Variants in BEAN1 observed in about 807,000 individuals in gnomAD.
BEAN1 encodes the protein protein BEAN1.
A neutral mutation model predicts 17.7 loss-of-function variants in BEAN1; 17 were observed. The observed-to-expected ratio is 0.96, with a 90% CI of 0.66 to 1.44. The LOEUF (loss-of-function observed/expected upper bound fraction) is 1.44. Among genes scored for constraint, BEAN1 ranks in the 40% most tolerant of loss-of-function variants. The probability of loss-of-function intolerance (pLI) is 0.00; values close to 1 mark genes in which losing one functional copy is unlikely to be tolerated. For missense variants in BEAN1, 359 were observed against 374.1 expected (o/e 0.96, Z 0.33); for synonymous variants, 142 against 151.8 (o/e 0.94, Z 0.47).
rs188973547 is a variant in BEAN1, at chr16:66,456,899, G to T, written c.26-12703G>T. Among the ~76,000 whole-genome samples, 80 of 152,286 alleles carry T rather than the reference G, an allele frequency of 5.3e-4. 1 individual carries two copies. Among genetic ancestry groups the T allele is most frequent in the South Asian group, 3.5e-3 (17 of 4,824 alleles). Reference sequence around the variant, plus strand: ...ATGTATCTTAATAGTGGAATGAATTGCTTTCATCTTACATTTATAGAACCA... The same window carrying T: ...ATGTATCTTAATAGTGGAATGAATTTCTTTCATCTTACATTTATAGAACCA... On this transcript the variant is annotated intron_variant, in intron 2 of 4. Transcript: ENST00000536005.
In BEAN1 at chr16:66,493,224, GC is replaced by G; in HGVS notation, c.411del (p.Ser138GlnfsTer6). On this transcript the variant is annotated frameshift_variant, in exon 5 of 5. Coordinates refer to the BEAN1 transcript ENST00000561796. LOFTEE classifies it low-confidence loss of function (END_TRUNC). ...CTCGCTAGGACCCACAGCAGGCACA[GC>G]TCAGAGAAAAGGCTGGTGAAGCCCT... is the stretch of plus-strand genomic sequence containing the variant. 7 of 703,062 alleles carry G rather than the reference GC, an allele frequency of 1.0e-5. No homozygotes were observed. The South Asian group carries it at 1.0e-4, about 10-fold the overall frequency. 43.6% of individuals were successfully genotyped at this position (703,062 alleles called of 1,614,324 possible).
At chr16:66,439,086 T>A (rs1962146583) in intron 2 of BEAN1, among the ~76,000 whole-genome samples, 1 of 152,174 alleles carries the variant, frequency 6.6e-6, no homozygotes, top group Non-Finnish European at 1.5e-5. Flanking sequence ...AAGGGACAGC[T>A]GCAGTGGGAG....
intron 2 of BEAN1, among the ~76,000 whole-genome samples, chr16:66,442,867 TAGAGAG>T (rs989983435): frequency 6.6e-6 from 1 of 151,992 alleles, no homozygotes; most frequent in Non-Finnish European, 1.5e-5. Context: ...GAGGGGGAAA[TAGAGAG>T]AGATAGGGAC....
chr16:66,460,548 G>A (rs778736297), intron 2 of BEAN1, among the ~76,000 whole-genome samples: 1 of 152,164 alleles, frequency 6.6e-6, no homozygotes, highest in Non-Finnish European at 1.5e-5. Flanking sequence ...GCCTGCTGTG[G>A]CCCATCTCTT....
chr16:66,448,844 G>A (rs1962558928), intron 2 of BEAN1, among the ~76,000 whole-genome samples: 2 of 151,832 alleles, frequency 1.3e-5, no homozygotes, highest in Non-Finnish European at 2.9e-5. Flanking sequence ...AAGAAAGAAA[G>A]AAAAGAAACA....
At chr16:66,484,979 T>C, downstream of BEAN1, 1 of 454,124 alleles carries the variant, frequency 2.2e-6, no homozygotes, top group African/African-American at 2.0e-5. This position sits in a 1 kb window ranked among gnomAD's most constrained non-coding sequence, Gnocchi z 4.2. Context: ...GCCATCGTGA[T>C]AGTCCACAAG....
At chr16:66,439,853 G>T (rs547710883) in intron 2 of BEAN1, among the ~76,000 whole-genome samples, 1 of 152,238 alleles carries the variant, frequency 6.6e-6, no homozygotes, top group Non-Finnish European at 1.5e-5. Context: ...AGACAAAGGG[G>T]TCCACCAAGC....
chr16:66,449,606 C>CAAAA (rs35721774), intron 2 of BEAN1, among the ~76,000 whole-genome samples: 1,158 of 81,740 alleles, frequency 0.014, 49 homozygotes, highest in African/African-American at 0.022. Context: ...GACTCCATCT[C>CAAAA]AAAAAAAAAA....
In BEAN1 at chr16:66,480,647, C is replaced by T. The variant is rs938983764; in HGVS notation, c.502C>T (p.Pro168Ser). The stretch of plus-strand genomic sequence containing the variant: ...GTATGTCCCCACGGACGCACCACCA[C>T]CCTACTCGCTGACTGATTCCTGCCC... Reference protein sequence around the residue: ...QLYVPTDAPPPYSLTDSCPTL... With the variant: ...QLYVPTDAPPSYSLTDSCPTL... Residue 168 changes from proline to serine, a missense_variant, in exon 5 of 5, where the codon CCC (proline) becomes TCC (serine). Pro to Ser is a moderately conservative substitution (Grantham distance 74). Transcript: ENST00000536005. 7.1e-6 allele frequency: 11 copies of T among 1,551,472 alleles called. No homozygotes were observed. The highest frequency in any genetic ancestry group is 1.4e-5 in the African/African-American group (1 of 73,064).
At chr16:66,442,131 C>T (rs1299243808) in intron 2 of BEAN1, among the ~76,000 whole-genome samples, 1 of 152,208 alleles carries the variant, frequency 6.6e-6, no homozygotes, top group Non-Finnish European at 1.5e-5. Flanking sequence ...AATACCAAGC[C>T]TGTGAGCCAT....
At chr16:66,460,672 T>C (rs1278281183) in intron 2 of BEAN1, among the ~76,000 whole-genome samples, 1 of 152,220 alleles carries the variant, frequency 6.6e-6, no homozygotes, top group Non-Finnish European at 1.5e-5. Context: ...TGGCTATATA[T>C]CAAGTGGCTC....
At chr16:66,440,482 C>T (rs1423147447) in intron 2 of BEAN1, among the ~76,000 whole-genome samples, 1 of 152,168 alleles carries the variant, frequency 6.6e-6, no homozygotes, top group Admixed American at 6.5e-5. Context: ...GGTTCCCTGA[C>T]TCAGAGTCCT....
chr16:66,432,572 C>T (rs1394751780), intron 1 of BEAN1, among the ~76,000 whole-genome samples: 5 of 152,232 alleles, frequency 3.3e-5, no homozygotes, highest in East Asian at 1.9e-4. Flanking sequence ...TCAGCAGTCA[C>T]GGGGCACTTC....
intron 2 of BEAN1, among the ~76,000 whole-genome samples, chr16:66,440,486 G>C (rs1962214703): frequency 6.6e-6 from 1 of 152,278 alleles, no homozygotes; most frequent in African/African-American, 2.4e-5. Flanking sequence ...CCCTGACTCA[G>C]AGTCCTCCCT....
At chr16:66,457,460 TGAC>T (rs1962915144) in intron 2 of BEAN1, among the ~76,000 whole-genome samples, 1 of 152,144 alleles carries the variant, frequency 6.6e-6, no homozygotes, top group East Asian at 1.9e-4. Context: ...GCATGGACCA[TGAC>T]AAGACATTAG....
chr16:66,447,242 G>A (rs1192879867), intron 2 of BEAN1, among the ~76,000 whole-genome samples: 1 of 152,176 alleles, frequency 6.6e-6, no homozygotes, highest in African/African-American at 2.4e-5. Context: ...GTGTCCCCTA[G>A]GAATGGGCCT....
intron 4 of BEAN1, among the ~76,000 whole-genome samples, chr16:66,492,317 C>T (rs1718025382): frequency 6.6e-6 from 1 of 151,970 alleles, no homozygotes; most frequent in Non-Finnish European, 1.5e-5. Flanking sequence ...GCTGGGTTTA[C>T]AGATGTGAGC....
intron 3 of BEAN1, among the ~76,000 whole-genome samples, chr16:66,472,791 G>A (rs1387880044): frequency 6.6e-6 from 1 of 152,100 alleles, no homozygotes; most frequent in Non-Finnish European, 1.5e-5. Context: ...AGGCCAAGGT[G>A]GGAGGATCAC....
chr16:66,484,121 G>A (rs1028301289), downstream of BEAN1: 12 of 177,494 alleles, frequency 6.8e-5, no homozygotes, highest in Non-Finnish European at 6.1e-5. The surrounding 1 kb of genome is among the most constrained non-coding windows in gnomAD (Gnocchi z 4.2). Context: ...CCCCCGCCCC[G>A]CCAGCATCAC....
Sources: gnomAD v4.1 joint callset for allele counts (sites outside exome capture counted in the v4.1 genomes callset) on GRCh38, gnomAD v4.1.1 for gene constraint, Gnocchi (gnomAD v3.1) non-coding constraint, MANE v1.5 for transcripts, NCBI Gene and HGNC (gene_info 2026-07-23, HGNC 2026-07-21) for gene names.